The following INPP4B variants were observed in gnomAD, a reference collection of about 807,000 sequenced individuals.
The protein encoded by INPP4B is inositol polyphosphate-4-phosphatase type II B.
A neutral mutation model predicts 122.5 loss-of-function variants in INPP4B; 55 were observed. That is an observed-to-expected ratio of 0.45 (90% CI 0.36 to 0.56). The LOEUF is 0.56. Ranked by LOEUF, INPP4B falls within the 20% of genes least tolerant of loss-of-function variation. INPP4B has a pLI of 0.00. For missense variants in INPP4B, 1,000 were observed against 1,097.7 expected (o/e 0.91, Z 1.26); for synonymous variants, 403 against 388.7 (o/e 1.04, Z -0.43).
chr4:142,680,897 A>G (rs550986488), intron 2 of INPP4B, among the ~76,000 whole-genome samples: 38 of 151,950 alleles, frequency 2.5e-4, no homozygotes, highest in African/African-American at 8.7e-4. Context: ...ACAAACACCC[A>G]CGACACTCAA....
chr4:142,222,392 C>T (rs915603032), intron 12 of INPP4B, among the ~76,000 whole-genome samples: 14 of 152,200 alleles, frequency 9.2e-5, no homozygotes, highest in African/African-American at 3.4e-4. Flanking sequence ...CAGTTCCTTA[C>T]AAAAGCTGAA....
chr4:142,380,243 A>C (rs1359038641), intron 7 of INPP4B, among the ~76,000 whole-genome samples: 2 of 152,176 alleles, frequency 1.3e-5, no homozygotes, highest in Non-Finnish European at 2.9e-5. Flanking sequence ...TTCCCTTTAA[A>C]GTTTCCCCTA....
chr4:142,353,170 A>T (rs1782450987), intron 7 of INPP4B, among the ~76,000 whole-genome samples: 1 of 152,014 alleles, frequency 6.6e-6, no homozygotes, highest in African/African-American at 2.4e-5. Flanking sequence ...AGCTGTGAAT[A>T]GTCTACTTTC....
intron 2 of INPP4B, among the ~76,000 whole-genome samples, chr4:142,525,899 T>G (rs1054003383): frequency 2.6e-5 from 4 of 151,916 alleles, no homozygotes; most frequent in Middle Eastern, 3.4e-3. Flanking sequence ...GGGATCTAAT[T>G]AAACTAAAGA....
At chr4:142,491,515 G>C (rs1821871886) in intron 2 of INPP4B, among the ~76,000 whole-genome samples, 1 of 152,104 alleles carries the variant, frequency 6.6e-6, no homozygotes, top group African/African-American at 2.4e-5. Flanking sequence ...AAATTAGCCA[G>C]ACATGGTGGC....
chr4:142,446,878 A>G (rs1167020104), intron 3 of INPP4B, among the ~76,000 whole-genome samples: 2 of 152,172 alleles, frequency 1.3e-5, no homozygotes, highest in East Asian at 3.9e-4. Context: ...AACCTAATAT[A>G]TTGCTTAAGG....
At position 142,661,523 on chromosome 4, in the gene INPP4B, G is replaced by A. The variant is rs571888208; in HGVS notation, c.-191+64316C>T. Among the ~76,000 whole-genome samples the A allele has an allele frequency of 8.5e-5, 13 of 152,276 alleles. No homozygotes were observed. In the South Asian group the frequency reaches 2.7e-3, roughly 32 times the overall value. Reference sequence around the variant, plus strand: ...AAAATAGGTTACAATCACAGTAGTAGGTAATGTTTGAGAGTTTCTCCACCT... The same window carrying A: ...AAAATAGGTTACAATCACAGTAGTAAGTAATGTTTGAGAGTTTCTCCACCT... On this transcript the variant is annotated intron_variant, in intron 2 of 25. Coordinates refer to ENST00000262992, the MANE Select transcript of INPP4B (RefSeq NM_001101669.3).
At chr4:142,445,468 C>T (rs1812708017) in intron 3 of INPP4B, among the ~76,000 whole-genome samples, 1 of 152,162 alleles carries the variant, frequency 6.6e-6, no homozygotes, top group African/African-American at 2.4e-5. Context: ...GGAATACTAA[C>T]ATGCACATTA....
intron 2 of INPP4B, among the ~76,000 whole-genome samples, chr4:142,484,530 T>C (rs1820967470): frequency 6.6e-6 from 1 of 152,092 alleles, no homozygotes; most frequent in Non-Finnish European, 1.5e-5. Context: ...TATTCCAAAA[T>C]ATTTTTAAAA....
intron 20 of INPP4B, among the ~76,000 whole-genome samples, chr4:142,122,506 T>C (rs1321140368): frequency 6.6e-6 from 1 of 152,084 alleles, no homozygotes; most frequent in Non-Finnish European, 1.5e-5. Context: ...GAGAGAGTGT[T>C]TTAACCCCTT....
intron 14 of INPP4B, among the ~76,000 whole-genome samples, chr4:142,200,770 G>T (rs879773492): frequency 1.3e-5 from 2 of 151,928 alleles, no homozygotes; most frequent in Admixed American, 1.3e-4. Flanking sequence ...CAAAAATAGG[G>T]TAAAAGTCCC....
intron 1 of INPP4B, among the ~76,000 whole-genome samples, chr4:142,787,890 A>G (rs1243616625): frequency 6.6e-6 from 1 of 151,976 alleles, no homozygotes; most frequent in East Asian, 1.9e-4. Context: ...GAATCAGAAA[A>G]TAGGTCACCG....
Position 142,445,596 on chromosome 4 carries a change from A to G in INPP4B, c.-126-14211T>C, listed in dbSNP as rs188271407. ...ACAGAAGTGAAATAGACAAATCCAC[A>G]ATACTTGAGGACACAAACATTCCTC... On this transcript the variant is annotated intron_variant, in intron 3 of 25. Transcript: ENST00000262992. Among the ~76,000 whole-genome samples, 328 of 152,326 alleles carry G rather than the reference A, an allele frequency of 2.2e-3. 2 individuals carry two copies. Among genetic ancestry groups the G allele is most frequent in the African/African-American group, 7.4e-3 (306 of 41,576 alleles).
intron 2 of INPP4B, among the ~76,000 whole-genome samples, chr4:142,507,466 A>G (rs954934528): frequency 6.6e-6 from 1 of 152,044 alleles, no homozygotes; most frequent in Non-Finnish European, 1.5e-5. Context: ...CAAGATTAAT[A>G]TAGATAAATA....
At chr4:142,221,911 G>A (rs113492546) in intron 12 of INPP4B, among the ~76,000 whole-genome samples, 5,642 of 152,220 alleles carry the variant, frequency 0.037, 302 homozygotes, top group African/African-American at 0.12. Context: ...CTAAGTCAAT[G>A]AGGTCCTTTC....
At chr4:142,468,746 T>C (rs553803293) in intron 2 of INPP4B, among the ~76,000 whole-genome samples, 1 of 152,288 alleles carries the variant, frequency 6.6e-6, no homozygotes, top group South Asian at 2.1e-4. Context: ...CCTCATCAGA[T>C]GCAGGTGTTC....
At position 142,664,476 on chromosome 4, in the gene INPP4B, G is replaced by A. The variant is rs144299244; in HGVS notation, c.-191+61363C>T. Among the ~76,000 whole-genome samples, 304 of 151,964 alleles carry A rather than the reference G, an allele frequency of 2.0e-3. 2 individuals carry two copies. The highest frequency in any genetic ancestry group is 6.6e-3 in the African/African-American group (274 of 41,392). The stretch of plus-strand genomic sequence containing the variant: ...TAAATGGGACAATTCAAAAGCCAAA[G>A]GTGAGATACTAGATCATTTCTAACA... On this transcript the variant is annotated intron_variant, in intron 2 of 25. Coordinates refer to ENST00000262992, the MANE Select transcript of INPP4B (RefSeq NM_001101669.3).
intron 1 of INPP4B, among the ~76,000 whole-genome samples, chr4:142,770,779 T>C (rs1772924089): frequency 1.3e-5 from 2 of 152,008 alleles, no homozygotes; most frequent in Non-Finnish European, 2.9e-5. Context: ...GTGATACAAG[T>C]GTGGTATCCG....
chr4:142,812,472 G>C (rs1466351686), intron 1 of INPP4B, among the ~76,000 whole-genome samples: 1 of 152,018 alleles, frequency 6.6e-6, no homozygotes, highest in Non-Finnish European at 1.5e-5. Context: ...AATAAATATA[G>C]CTGTTTAACA....
Sources: allele counts gnomAD v4.1 joint callset (sites outside exome capture counted in the v4.1 genomes callset), GRCh38; gene constraint gnomAD v4.1.1; transcripts MANE v1.5; gene names NCBI Gene and HGNC (gene_info 2026-07-23, HGNC 2026-07-21).